LIMA1: variants seen among roughly 807,000 people sequenced by gnomAD.
The protein encoded by LIMA1 is LIM domain and actin binding 1, also known as LIM domain and actin-binding protein 1.
A neutral mutation model predicts 62.6 loss-of-function variants in LIMA1; 52 were observed. That is an observed-to-expected ratio of 0.83 (90% CI 0.67 to 1.05). The LOEUF is 1.05. LIMA1 is among the 50% of genes least tolerant of loss of function. The pLI is 0.00. For missense variants in LIMA1, 780 were observed against 902.2 expected (o/e 0.86, Z 1.74); for synonymous variants, 302 against 317.8 (o/e 0.95, Z 0.53).
At chr12:50,236,584 C>A (rs1251379884) in intron 2 of LIMA1, among the ~76,000 whole-genome samples, 6 of 152,008 alleles carry the variant, frequency 3.9e-5, no homozygotes, top group Non-Finnish European at 8.8e-5. Flanking sequence ...CAGGCGTGAG[C>A]CACCGCACCC....
intron 10 of LIMA1, among the ~76,000 whole-genome samples, chr12:50,178,966 A>ATATTTT (rs56674261): frequency 0.098 from 12,633 of 128,532 alleles, 629 homozygotes; most frequent in East Asian, 0.2. Flanking sequence ...ATATATATAT[A>ATATTTT]TTTTTTTTTT....
intron 9 of LIMA1, among the ~76,000 whole-genome samples, chr12:50,183,562 C>G (rs1940554458): frequency 6.6e-6 from 1 of 151,882 alleles, no homozygotes; most frequent in African/African-American, 2.4e-5. Context: ...GCCCATAATC[C>G]CACACTTTGG....
chr12:50,223,213 G>A lies in LIMA1; in HGVS notation c.166-728C>T, dbSNP rs995518623. 2.0e-5 allele frequency among the ~76,000 whole-genome samples: 3 copies of A among 151,734 alleles called. No individual in the cohort carries two copies. In the South Asian group the frequency reaches 6.2e-4, roughly 32 times the overall value. On this transcript the variant is annotated intron_variant, in intron 3 of 10. Coordinates refer to ENST00000341247, the MANE Select transcript of LIMA1 (RefSeq NM_016357.5). ...ATTCTCACTTATCAGGGCCAGGCAC[G>A]GTGGCTCACGCCTGTAATCCCAGCA...
Position 50,212,806 on chromosome 12 carries a change from TTTTTAA to T in LIMA1, c.631-6744_631-6739del, listed in dbSNP as rs534096480. On this transcript the variant is annotated intron_variant, in intron 4 of 10. Coordinates refer to ENST00000341247, the MANE Select transcript of LIMA1 (RefSeq NM_016357.5). The stretch of plus-strand genomic sequence containing the variant: ...AGAACAATGTTTAATGAATTATATC[TTTTTAA>T]TTTTATTTTTTATTTTTTTTGAGAC... 1.5e-4 allele frequency among the ~76,000 whole-genome samples: 23 copies of T among 152,240 alleles called. No individual in the cohort carries two copies. In the East Asian group the frequency reaches 4.2e-3, roughly 28 times the overall value.
chr12:50,253,195 TAC>T (rs1242090733), intron 1 of LIMA1, among the ~76,000 whole-genome samples: 2 of 152,152 alleles, frequency 1.3e-5, no homozygotes, highest in African/African-American at 4.8e-5. Flanking sequence ...TGTTGAGACA[TAC>T]ATGTCAGCAA....
chr12:50,180,989 G>A (rs1940487560), intron 10 of LIMA1, among the ~76,000 whole-genome samples: 1 of 151,746 alleles, frequency 6.6e-6, no homozygotes, highest in Middle Eastern at 3.4e-3. Context: ...GCGGGCGCCT[G>A]TAGTCCCAGC....
At chr12:50,221,208 G>T (rs1941433531) in intron 4 of LIMA1, among the ~76,000 whole-genome samples, 2 of 152,006 alleles carry the variant, frequency 1.3e-5, no homozygotes, top group Admixed American at 6.6e-5. Flanking sequence ...TCCCCATCAG[G>T]TCTGTTTATT....
At chr12:50,275,831 G>T (rs1431695451) in intron 1 of LIMA1, among the ~76,000 whole-genome samples, 1 of 152,148 alleles carries the variant, frequency 6.6e-6, no homozygotes, top group Non-Finnish European at 1.5e-5. Context: ...TAGGCTGTCA[G>T]AGTGGGGGTG....
chr12:50,206,098 G>A (rs780021347), intron 4 of LIMA1, 30 bp from the exon 5 acceptor site: 2 of 1,584,952 alleles, frequency 1.3e-6, no homozygotes, highest in Admixed American at 1.7e-5. Context: ...GATAAGTTTT[G>A]CAGAAACAAT....
intron 9 of LIMA1, among the ~76,000 whole-genome samples, chr12:50,184,758 T>A (rs963831789): frequency 1.8e-4 from 28 of 152,184 alleles, no homozygotes; most frequent in African/African-American, 6.8e-4. Context: ...AATGTAAAAG[T>A]AGGACAAATG....
At chr12:50,183,782 G>C (rs1299808830) in intron 9 of LIMA1, among the ~76,000 whole-genome samples, 1 of 121,292 alleles carries the variant, frequency 8.2e-6, no homozygotes, top group African/African-American at 3.3e-5. Flanking sequence ...CTGCACTCCA[G>C]CTTGGGCAAC....
At chr12:50,275,959 T>A (rs1942271373) in intron 1 of LIMA1, among the ~76,000 whole-genome samples, 1 of 152,056 alleles carries the variant, frequency 6.6e-6, no homozygotes, top group Non-Finnish European at 1.5e-5. Context: ...CCCAGGCCCA[T>A]CCCTCAGACA....
intron 10 of LIMA1, 84 bp downstream of exon 10, chr12:50,181,820 G>C: frequency 1.4e-6 from 2 of 1,453,552 alleles, no homozygotes; most frequent in Non-Finnish European, 1.9e-6. Flanking sequence ...TAGCACAGTA[G>C]CTTTTAGCAC....
intron 1 of LIMA1, among the ~76,000 whole-genome samples, chr12:50,259,963 CTT>C: frequency 6.6e-6 from 1 of 152,228 alleles, no homozygotes; most frequent in Middle Eastern, 3.4e-3. Flanking sequence ...CCACTTTTCT[CTT>C]TTCTTGCAGA....
chr12:50,192,438 A>C lies in LIMA1; in HGVS notation c.1140+14T>G, dbSNP rs1940797108. 6.5e-7 allele frequency: 1 copy of C among 1,528,530 alleles called. No individual in the cohort carries two copies. Among genetic ancestry groups the C allele is most frequent in the Non-Finnish European group, 9.1e-7 (1 of 1,102,030 alleles). 94.7% of individuals were successfully genotyped at this position (1,528,530 alleles called of 1,614,324 possible). ...ACCAATGTCCAAAGGCTCAGAGAGA[A>C]ATTGCCATCATACCTTCATTGCTTT... is the stretch of plus-strand genomic sequence containing the variant. On this transcript the variant is annotated intron_variant, in intron 9 of 10. Coordinates refer to ENST00000341247, the MANE Select transcript of LIMA1 (RefSeq NM_016357.5).
chr12:50,275,085 G>C (rs576771456), intron 1 of LIMA1, among the ~76,000 whole-genome samples: 1 of 152,092 alleles, frequency 6.6e-6, no homozygotes, highest in African/African-American at 2.4e-5. Flanking sequence ...GGCCAGGTGC[G>C]GTGGCTCATG....
rs76575511 is a variant in LIMA1 at position 50,200,522 on chromosome 12, C to T, written c.972+255G>A. Among the ~76,000 whole-genome samples the T allele has an allele frequency of 7.9e-3, 1,207 of 152,310 alleles. 15 individuals carry two copies. Among genetic ancestry groups the T allele is most frequent in the African/African-American group, 0.026 (1,098 of 41,562 alleles). ...AGCCTCCAAATAGATTTTAAAAAAT[C>T]ACTTCAGCTCTTTGCCTTCTGAGCA... On this transcript the variant is annotated intron_variant, in intron 7 of 10. Transcript: ENST00000341247.
Position 50,222,438 on chromosome 12 carries a change from C to T in LIMA1, c.213G>A (p.Val71=). The T allele has an allele frequency of 6.2e-7, 1 of 1,614,200 alleles. No individual in the cohort carries two copies. The highest frequency in any genetic ancestry group is 2.2e-5 in the East Asian group (1 of 44,892). The change falls in exon 4 of 11, where the codon GTG becomes GTA. Residue 71 remains valine, a synonymous_variant. Transcript: ENST00000341247. ...SQHFRKGTLT[V]LKKKWENPGL... ...CTGGGTTCTCCCACTTCTTCTTTAA[C>T]ACAGTCAGGGTCCCCTTTCTAAAGT...
At chr12:50,233,397 G>A (rs1941641503) in intron 2 of LIMA1, among the ~76,000 whole-genome samples, 1 of 151,760 alleles carries the variant, frequency 6.6e-6, no homozygotes, top group African/African-American at 2.4e-5. Context: ...CCATATTTAT[G>A]CCTGATATCT....
Sources: gnomAD v4.1 joint callset for allele counts (sites outside exome capture counted in the v4.1 genomes callset) on GRCh38, gnomAD v4.1.1 for gene constraint, MANE v1.5 for transcripts, NCBI Gene and HGNC (gene_info 2026-07-23, HGNC 2026-07-21) for gene names.